FSIP1: variants seen among roughly 807,000 people sequenced by gnomAD.
FSIP1 encodes the protein fibrous sheath interacting protein 1, also known as fibrous sheath-interacting protein 1.
In FSIP1, 65 loss-of-function variants were observed where a neutral mutation model predicts 60.9. The ratio of observed to expected loss-of-function variants is 1.07; its 90% CI spans 0.87 to 1.31. FSIP1 has a LOEUF of 1.31. FSIP1 is among the 40% of genes most tolerant of loss of function. The pLI is 0.00. For synonymous variants in FSIP1, 209 were observed against 221.2 expected, an observed-to-expected ratio of 0.94 and a Z score of 0.49; for missense variants, 675 against 665.5, an observed-to-expected ratio of 1.01 and a Z score of -0.16.
At chr15:39,726,900 G>T (rs1223213424) in intron 8 of FSIP1, among the ~76,000 whole-genome samples, 153 bp from the exon 9 acceptor site, 4 of 151,850 alleles carry the variant, frequency 2.6e-5, no homozygotes, top group Non-Finnish European at 5.9e-5. Flanking sequence ...TTAACATTGG[G>T]TTAGTAAAAG....
chr15:39,641,678 A>C lies in FSIP1; in HGVS notation c.1189-23433T>G, dbSNP rs200375839. Among the ~76,000 whole-genome samples, 6 of 110,492 alleles carry C rather than the reference A, an allele frequency of 5.4e-5. No individual in the cohort carries two copies. The South Asian group carries it at 1.8e-3, about 34-fold the overall frequency. The allele number at this position is 110,492 out of a possible 152,430, so 72.5% of individuals were successfully genotyped here. On this transcript the variant is annotated intron_variant, in intron 10 of 11. Coordinates refer to ENST00000350221, the MANE Select transcript of FSIP1 (RefSeq NM_152597.5). ...GTTCATTGCATGAACTATGAGTCATAGCTTCAAGTCTCTGGTTGCCACTTT... is the reference window on the plus strand; with the variant it reads ...GTTCATTGCATGAACTATGAGTCATCGCTTCAAGTCTCTGGTTGCCACTTT...
At chr15:39,736,076 T>C (rs1896597407) in intron 8 of FSIP1, among the ~76,000 whole-genome samples, 2 of 152,238 alleles carry the variant, frequency 1.3e-5, no homozygotes, top group South Asian at 4.1e-4. Flanking sequence ...GAGCACACTC[T>C]AAAATATAGA....
At chr15:39,679,364 CA>C (rs1428656691) in intron 10 of FSIP1, among the ~76,000 whole-genome samples, 1 of 152,164 alleles carries the variant, frequency 6.6e-6, no homozygotes, top group Non-Finnish European at 1.5e-5. Context: ...GACAAACTGA[CA>C]GGGGAAGAGA....
intron 10 of FSIP1, among the ~76,000 whole-genome samples, chr15:39,624,235 T>C (rs1891549866): frequency 6.6e-6 from 1 of 152,216 alleles, no homozygotes; most frequent in African/African-American, 2.4e-5. Context: ...ATTTTTGAAC[T>C]ATAATTACTA....
intron 10 of FSIP1, among the ~76,000 whole-genome samples, chr15:39,661,642 G>A (rs542367567): frequency 6.6e-6 from 1 of 152,164 alleles, no homozygotes; most frequent in African/African-American, 2.4e-5. Context: ...TGACAATCTA[G>A]TCCCAAAGCA....
chr15:39,722,346 TAATAGA>T (rs1257082421), intron 9 of FSIP1, among the ~76,000 whole-genome samples: 1 of 152,034 alleles, frequency 6.6e-6, no homozygotes, highest in Non-Finnish European at 1.5e-5. Context: ...AATATAATAA[TAATAGA>T]AATAAAGTAC....
chr15:39,670,094 C>T (rs1893656647), intron 10 of FSIP1, among the ~76,000 whole-genome samples: 1 of 152,064 alleles, frequency 6.6e-6, no homozygotes, highest in African/African-American at 2.4e-5. Flanking sequence ...TTAAGCTATC[C>T]AAGTGAGGAT....
intron 1 of FSIP1, among the ~76,000 whole-genome samples, chr15:39,781,939 T>G (rs2140747585): frequency 6.6e-6 from 1 of 152,392 alleles, no homozygotes; most frequent in South Asian, 2.1e-4. Flanking sequence ...AACTGTAGAT[T>G]AAATGGGTGA....
intron 10 of FSIP1, among the ~76,000 whole-genome samples, chr15:39,673,633 T>A (rs1301812612): frequency 6.6e-6 from 1 of 152,200 alleles, no homozygotes; most frequent in Non-Finnish European, 1.5e-5. Flanking sequence ...CATACATTTA[T>A]CTCTCCTTAA....
At position 39,765,742 on chromosome 15, in the gene FSIP1, T is replaced by C. The variant is rs750697001; in HGVS notation, c.315A>G (p.Glu105=). The C allele has an allele frequency of 3.3e-6, 5 of 1,501,826 alleles. No homozygotes were observed. The East Asian group carries it at 6.8e-5, about 20-fold the overall frequency. 93.0% of individuals were successfully genotyped at this position (1,501,826 alleles called of 1,614,324 possible). A position where few individuals can be genotyped will look rare whatever the true frequency, so the allele number is the denominator to read the frequency against. Residue 105 remains glutamate, a synonymous_variant, in exon 4 of 12, where the codon GAA becomes GAG. Coordinates refer to ENST00000350221, the MANE Select transcript of FSIP1 (RefSeq NM_152597.5). The part of the protein sequence containing the change: ...QHQIISECSD[E]PKLKELDSQL... ...GAGAATCTAATTCTTTTAATTTGGG[T>C]TCATCTATATTGTGTTGAAAGTAAA...
chr15:39,687,245 C>T (rs2140497420), intron 10 of FSIP1, among the ~76,000 whole-genome samples: 1 of 144,954 alleles, frequency 6.9e-6, no homozygotes. Context: ...ACCTCTGCCT[C>T]CTGGGTTCAA....
chr15:39,771,093 A>G (rs1436531577), intron 2 of FSIP1, among the ~76,000 whole-genome samples: 2 of 152,174 alleles, frequency 1.3e-5, no homozygotes, highest in Non-Finnish European at 2.9e-5. Flanking sequence ...CAGTTTTTCT[A>G]TTTCATTTTA....
chr15:39,702,285 T>C (rs1895090077), intron 10 of FSIP1, among the ~76,000 whole-genome samples: 1 of 150,454 alleles, frequency 6.6e-6, no homozygotes, highest in Admixed American at 6.7e-5. Flanking sequence ...ACCCACACTT[T>C]AGGCCTTTAG....
At chr15:39,603,889 C>T (rs994111218) in intron 11 of FSIP1, among the ~76,000 whole-genome samples, 4 of 152,144 alleles carry the variant, frequency 2.6e-5, no homozygotes, top group South Asian at 2.1e-4. Context: ...AAATCACCTG[C>T]GGGGTATCTT....
At chr15:39,653,714 G>A (rs1892964863) in intron 10 of FSIP1, among the ~76,000 whole-genome samples, 1 of 152,080 alleles carries the variant, frequency 6.6e-6, no homozygotes, top group African/African-American at 2.4e-5. Flanking sequence ...GCTTTAAAAG[G>A]GGGAATTTCC....
chr15:39,673,377 A>C (rs1037058729), intron 10 of FSIP1, among the ~76,000 whole-genome samples: 2 of 152,216 alleles, frequency 1.3e-5, no homozygotes, highest in African/African-American at 4.8e-5. Context: ...ACAGTGACCC[A>C]ATCATAGCTC....
intron 9 of FSIP1, among the ~76,000 whole-genome samples, chr15:39,716,372 A>T (rs1185145855): frequency 6.6e-6 from 1 of 152,214 alleles, no homozygotes; most frequent in East Asian, 1.9e-4. Context: ...ACTTAACAAC[A>T]TTTTTAAATG....
At chr15:39,752,150 T>C (rs1405020377) in intron 5 of FSIP1, among the ~76,000 whole-genome samples, 2 of 151,986 alleles carry the variant, frequency 1.3e-5, no homozygotes, top group Non-Finnish European at 1.5e-5. Context: ...GTTGCTATTG[T>C]TTTTGAGAAT....
chr15:39,673,999 T>C (rs1238801295), intron 10 of FSIP1, among the ~76,000 whole-genome samples: 1 of 151,908 alleles, frequency 6.6e-6, no homozygotes, highest in Non-Finnish European at 1.5e-5. Context: ...ATCCCTGATA[T>C]AAACTTTAGT....
Sources: allele counts gnomAD v4.1 joint callset (sites outside exome capture counted in the v4.1 genomes callset), GRCh38; gene constraint gnomAD v4.1.1; transcripts MANE v1.5; gene names NCBI Gene and HGNC (gene_info 2026-07-23, HGNC 2026-07-21).